Variants in JAKMIP2 observed in about 807,000 individuals in gnomAD.
JAKMIP2 encodes the protein janus kinase and microtubule-interacting protein 2.
In JAKMIP2, 25 loss-of-function variants were observed where a neutral mutation model predicts 115.0. The ratio of observed to expected loss-of-function variants is 0.22; its 90% CI spans 0.16 to 0.30. The LOEUF is 0.30. Ranked by LOEUF, JAKMIP2 falls within the 10% of genes least tolerant of loss-of-function variation. The pLI is 1.00. For synonymous variants in JAKMIP2, 334 were observed against 343.6 expected, an observed-to-expected ratio of 0.97 and a Z score of 0.31; for missense variants, 642 against 957.6, an observed-to-expected ratio of 0.67 and a Z score of 4.35.
intron 21 of JAKMIP2, among the ~76,000 whole-genome samples, chr5:147,599,847 A>G (rs958636579): frequency 6.6e-6 from 1 of 152,110 alleles, no homozygotes; most frequent in Non-Finnish European, 1.5e-5. Flanking sequence ...AGTTTCTCCA[A>G]CTACAAATTA....
chr5:147,667,468 T>C (rs1226884653), intron 2 of JAKMIP2, among the ~76,000 whole-genome samples: 2 of 152,138 alleles, frequency 1.3e-5, no homozygotes, highest in Non-Finnish European at 2.9e-5. Context: ...CTTAGAAATG[T>C]AGGATTAAAA....
intron 21 of JAKMIP2, among the ~76,000 whole-genome samples, chr5:147,593,808 C>T (rs1451554598): frequency 6.6e-6 from 1 of 152,132 alleles, no homozygotes; most frequent in East Asian, 1.9e-4. Context: ...TAACTAGTTA[C>T]AAACACAACA....
chr5:147,754,477 A>C (rs1416314728), intron 1 of JAKMIP2, among the ~76,000 whole-genome samples: 1 of 152,212 alleles, frequency 6.6e-6, no homozygotes, highest in Non-Finnish European at 1.5e-5. Flanking sequence ...AAGGATGATT[A>C]ACAATGAGGA....
intron 1 of JAKMIP2, among the ~76,000 whole-genome samples, chr5:147,743,568 A>G (rs1010046557): frequency 1.3e-5 from 2 of 152,206 alleles, no homozygotes; most frequent in Admixed American, 6.5e-5. Context: ...TCTCTCCATT[A>G]TTCAGAAAAT....
intron 1 of JAKMIP2, among the ~76,000 whole-genome samples, chr5:147,735,591 T>G (rs181498585): frequency 3.0e-4 from 46 of 152,234 alleles, no homozygotes; most frequent in East Asian, 2.7e-3. Flanking sequence ...GGCCCTACCC[T>G]TGACACGTGG....
chr5:147,605,214 T>C, intron 20 of JAKMIP2, among the ~76,000 whole-genome samples: 1 of 146,808 alleles, frequency 6.8e-6, no homozygotes, highest in East Asian at 2.0e-4. Context: ...TTTTTTTTTT[T>C]TTTTTTTTTT....
intron 21 of JAKMIP2, among the ~76,000 whole-genome samples, chr5:147,597,045 GTAT>G (rs1755427394): frequency 7.3e-5 from 2 of 27,332 alleles, no homozygotes; most frequent in South Asian, 9.1e-3. Flanking sequence ...GCTAATTTTT[GTAT>G]TTTTTTTTTT....
chr5:147,688,217 A>G (rs1189886139), intron 1 of JAKMIP2, among the ~76,000 whole-genome samples: 1 of 152,198 alleles, frequency 6.6e-6, no homozygotes, highest in Non-Finnish European at 1.5e-5. Flanking sequence ...AAGGCTATGT[A>G]TCATTCATTG....
chr5:147,636,336 G>C, intron 11 of JAKMIP2, 52 bp from the exon 12 acceptor site: 1 of 1,485,968 alleles, frequency 6.7e-7, no homozygotes, highest in South Asian at 1.1e-5. Context: ...GCACGAAAGA[G>C]CCTGTGTTGT....
chr5:147,709,083 A>G (rs559265168), intron 1 of JAKMIP2, among the ~76,000 whole-genome samples: 111 of 152,364 alleles, frequency 7.3e-4, no homozygotes, highest in Non-Finnish European at 1.2e-3. Context: ...TTTTGAATAA[A>G]TCAAGGAATT....
intron 1 of JAKMIP2, among the ~76,000 whole-genome samples, chr5:147,691,240 T>C (rs1333272202): frequency 6.6e-6 from 1 of 152,144 alleles, no homozygotes; most frequent in East Asian, 1.9e-4. Flanking sequence ...TGATTAATAT[T>C]TGTTCTCCCA....
At chr5:147,726,731 C>CAAACA (rs1384850561) in intron 1 of JAKMIP2, among the ~76,000 whole-genome samples, 3 of 152,206 alleles carry the variant, frequency 2.0e-5, no homozygotes, top group Non-Finnish European at 2.9e-5. Context: ...GTCCCTGAAA[C>CAAACA]AAACAAGCAA....
intron 14 of JAKMIP2, among the ~76,000 whole-genome samples, chr5:147,630,725 A>C (rs1353464873): frequency 1.3e-5 from 2 of 152,148 alleles, no homozygotes; most frequent in African/African-American, 4.8e-5. Context: ...TGCAGAAGGT[A>C]AGGAGAGACC....
At chr5:147,776,246 C>T (rs1372850009) in intron 1 of JAKMIP2, among the ~76,000 whole-genome samples, 1 of 152,096 alleles carries the variant, frequency 6.6e-6, no homozygotes, top group Admixed American at 6.5e-5. Context: ...TCCCATAATC[C>T]CCACATGTCG....
At chr5:147,622,094 T>G (rs1756879328) in intron 17 of JAKMIP2, among the ~76,000 whole-genome samples, 1 of 152,216 alleles carries the variant, frequency 6.6e-6, no homozygotes, top group African/African-American at 2.4e-5. Flanking sequence ...CTCGAACTCC[T>G]GACCTCAGGT....
rs1237346544 is a variant in JAKMIP2 at position 147,587,067 on chromosome 5, T to C, written c.*4640A>G. 2 of 152,172 alleles carry C rather than the reference T, an allele frequency of 1.3e-5. No individual in the cohort carries two copies. Among genetic ancestry groups the C allele is most frequent in the East Asian group, 3.9e-4 (2 of 5,188 alleles). The allele number at this position is 152,172 out of a possible 1,614,324, so 9.4% of individuals were successfully genotyped here. ...TTATGTCTGTATCTTCTTGCCAATA[T>C]GCCTGAAATTAGATCTCAAGATACT... On this transcript the variant is annotated 3_prime_UTR_variant, in exon 22 of 22. Coordinates refer to ENST00000616793, the MANE Select transcript of JAKMIP2 (RefSeq NM_001270941.2).
At chr5:147,675,111 G>A (rs1759862025) in intron 1 of JAKMIP2, among the ~76,000 whole-genome samples, 1 of 152,162 alleles carries the variant, frequency 6.6e-6, no homozygotes, top group Admixed American at 6.5e-5. Flanking sequence ...CAAAGGGACA[G>A]ATACAATAGA....
intron 19 of JAKMIP2, among the ~76,000 whole-genome samples, chr5:147,614,192 A>G (rs1756464985): frequency 6.6e-6 from 1 of 152,198 alleles, no homozygotes; most frequent in South Asian, 2.1e-4. Flanking sequence ...TGTAATGGAC[A>G]ATACAGATAA....
chr5:147,632,258 AT>A (rs1312839338), intron 13 of JAKMIP2, among the ~76,000 whole-genome samples: 4 of 152,192 alleles, frequency 2.6e-5, no homozygotes, highest in African/African-American at 7.2e-5. Context: ...CCTAAAAAAT[AT>A]TTTTTATATA....
Sources: gnomAD v4.1 joint callset for allele counts (sites outside exome capture counted in the v4.1 genomes callset) on GRCh38, gnomAD v4.1.1 for gene constraint, MANE v1.5 for transcripts, NCBI Gene and HGNC (gene_info 2026-07-23, HGNC 2026-07-21) for gene names.